The following FGF12 variants were observed in gnomAD, a reference collection of about 807,000 sequenced individuals.
FGF12 encodes fibroblast growth factor 12B.
FGF12 carries 14 observed loss-of-function variants against 23.6 expected under a neutral mutation model. The ratio of observed to expected loss-of-function variants is 0.59; its 90% CI spans 0.39 to 0.93. FGF12 has a LOEUF of 0.93. FGF12 is among the 40% of genes least tolerant of loss of function. The probability of loss-of-function intolerance (pLI) is 0.00; values close to 1 mark genes in which losing one functional copy is unlikely to be tolerated. For synonymous variants in FGF12, 62 were observed against 77.3 expected, an observed-to-expected ratio of 0.80 and a Z score of 1.04; for missense variants, 175 against 217.8, an observed-to-expected ratio of 0.80 and a Z score of 1.24.
intron 4 of FGF12, among the ~76,000 whole-genome samples, chr3:192,309,903 G>A (rs1048916140): frequency 6.6e-6 from 1 of 152,122 alleles, no homozygotes. Flanking sequence ...GTACTTCTCA[G>A]TATTTATTTT....
At chr3:192,717,672 A>G (rs900717588) in intron 2 of FGF12, among the ~76,000 whole-genome samples, 1 of 152,202 alleles carries the variant, frequency 6.6e-6, no homozygotes, top group African/African-American at 2.4e-5. Context: ...TTATAATTCA[A>G]TCGTCATTAT....
At chr3:192,250,796 T>A (rs75310780) in intron 4 of FGF12, among the ~76,000 whole-genome samples, 5,877 of 152,172 alleles carry the variant, frequency 0.039, 318 homozygotes, top group African/African-American at 0.12. Flanking sequence ...GGTTTTTTTT[T>A]AATTTCTGGT....
At chr3:192,158,395 CTCTT>C (rs1469391021) in intron 5 of FGF12, among the ~76,000 whole-genome samples, 15 of 72,846 alleles carry the variant, frequency 2.1e-4, no homozygotes, top group African/African-American at 7.1e-4. Context: ...TTCTTTCTCT[CTCTT>C]TCTTTTTCTT....
chr3:192,496,347 A>G (rs886502102), intron 2 of FGF12, among the ~76,000 whole-genome samples: 8 of 152,046 alleles, frequency 5.3e-5, no homozygotes, highest in Admixed American at 1.3e-4. Context: ...GTGCAGGACA[A>G]GGCAATCTGT....
chr3:192,367,368 G>A (rs1051879660), intron 2 of FGF12, among the ~76,000 whole-genome samples: 2 of 152,198 alleles, frequency 1.3e-5, no homozygotes, highest in African/African-American at 2.4e-5. Context: ...AGGGAAATGA[G>A]ATTGAAGAAG....
rs2108777271 is a variant in FGF12, at chr3:192,409,498, A to C, written c.14-48960T>G. 6.6e-6 allele frequency among the ~76,000 whole-genome samples: 1 copy of C among 152,310 alleles called. No homozygotes were observed. The highest frequency in any genetic ancestry group is 6.5e-5 in the Admixed American group (1 of 15,312). ...GCCCCCTAGGCTCGCGCGCCCCGGCAGTCAGCAGCTCACAGGCAGCAGATC... is the reference window on the plus strand; with the variant it reads ...GCCCCCTAGGCTCGCGCGCCCCGGCCGTCAGCAGCTCACAGGCAGCAGATC... On this transcript the variant is annotated intron_variant, in intron 2 of 5. Coordinates refer to ENST00000445105, the MANE Select transcript of FGF12 (RefSeq NM_004113.6). This position sits in a 1 kb window ranked among gnomAD's most constrained non-coding sequence, Gnocchi z 4.8.
At chr3:192,257,575 G>A (rs932271068) in intron 4 of FGF12, among the ~76,000 whole-genome samples, 6 of 152,058 alleles carry the variant, frequency 3.9e-5, no homozygotes, top group Non-Finnish European at 7.4e-5. Flanking sequence ...TCCACTTATG[G>A]TGCAGTGGTG....
At chr3:192,327,767 G>A (rs748657635) in intron 4 of FGF12, among the ~76,000 whole-genome samples, 2 of 151,884 alleles carry the variant, frequency 1.3e-5, no homozygotes, top group African/African-American at 2.4e-5. Context: ...TGGCACAAAC[G>A]TGGCTTACTG....
chr3:192,532,062 T>C (rs1577039462), intron 2 of FGF12, among the ~76,000 whole-genome samples: 1 of 152,168 alleles, frequency 6.6e-6, no homozygotes, highest in African/African-American at 2.4e-5. Flanking sequence ...TAGCTATAAG[T>C]GTTTGGCTTT....
At position 192,150,456 on chromosome 3, in the gene FGF12, G is replaced by A. The variant is rs1236696324; in HGVS notation, c.428-6329C>T. 3.5e-4 allele frequency among the ~76,000 whole-genome samples: 42 copies of A among 119,212 alleles called. 1 individual carries two copies. The South Asian group carries it at 0.013, about 37-fold the overall frequency. The allele number at this position is 119,212 out of a possible 152,430, so 78.2% of individuals were successfully genotyped here. A position where few individuals can be genotyped will look rare whatever the true frequency, so the allele number is the denominator to read the frequency against. ...GGGTTTTTATGGTTTTAGGTCTAAC[G>A]TTTAAATCTTTAATCCATCTTGAAT... is the stretch of plus-strand genomic sequence containing the variant. On this transcript the variant is annotated intron_variant, in intron 5 of 5. Coordinates refer to ENST00000445105, the MANE Select transcript of FGF12 (RefSeq NM_004113.6).
intron 2 of FGF12, among the ~76,000 whole-genome samples, chr3:192,609,632 T>A (rs1467652822): frequency 6.6e-6 from 1 of 152,040 alleles, no homozygotes; most frequent in Non-Finnish European, 1.5e-5. Flanking sequence ...ACAGTTACCG[T>A]GTTAGGGGCA....
chr3:192,365,194 G>A (rs559068431), intron 2 of FGF12, among the ~76,000 whole-genome samples: 9 of 150,654 alleles, frequency 6.0e-5, no homozygotes, highest in East Asian at 2.0e-4. Context: ...GGCCCGTTTC[G>A]AAATATCACT....
chr3:192,183,117 G>A (rs1716270640), intron 4 of FGF12, among the ~76,000 whole-genome samples: 1 of 152,160 alleles, frequency 6.6e-6, no homozygotes, highest in African/African-American at 2.4e-5. Flanking sequence ...ATGTGGTGCA[G>A]TATTGCTGAG....
intron 2 of FGF12, among the ~76,000 whole-genome samples, chr3:192,554,557 T>C (rs1711675927): frequency 6.6e-6 from 1 of 152,208 alleles, no homozygotes; most frequent in Non-Finnish European, 1.5e-5. Context: ...GCTGGGCTGA[T>C]TGGTAAAGAT....
intron 2 of FGF12, among the ~76,000 whole-genome samples, chr3:192,539,002 C>G (rs1009400261): frequency 6.6e-6 from 1 of 152,140 alleles, no homozygotes; most frequent in Admixed American, 6.5e-5. Context: ...TATCCTGCAA[C>G]TTTATTGAAT....
chr3:192,552,931 A>C (rs1711596191), intron 2 of FGF12, among the ~76,000 whole-genome samples: 1 of 152,104 alleles, frequency 6.6e-6, no homozygotes, highest in South Asian at 2.1e-4. Context: ...AAAAAAAAGA[A>C]AAAAATACAT....
At chr3:192,189,577 T>C (rs1716669561) in intron 4 of FGF12, among the ~76,000 whole-genome samples, 1 of 152,170 alleles carries the variant, frequency 6.6e-6, no homozygotes, top group African/African-American at 2.4e-5. Flanking sequence ...TAGAGTGGGC[T>C]CTTTCCAAGC....
At chr3:192,571,431 A>G (rs1322635990) in intron 2 of FGF12, among the ~76,000 whole-genome samples, 1 of 152,262 alleles carries the variant, frequency 6.6e-6, no homozygotes, top group Non-Finnish European at 1.5e-5. Flanking sequence ...TGACTCATGC[A>G]GTACCGGGAT....
At chr3:192,547,303 G>GT (rs1206266092) in intron 2 of FGF12, among the ~76,000 whole-genome samples, 3 of 152,094 alleles carry the variant, frequency 2.0e-5, no homozygotes, top group African/African-American at 7.2e-5. Flanking sequence ...TTAATTAAAT[G>GT]TTTTTTATAA....
Sources: allele counts gnomAD v4.1 joint callset (sites outside exome capture counted in the v4.1 genomes callset), GRCh38; gene constraint gnomAD v4.1.1; non-coding constraint Gnocchi (gnomAD v3.1); transcripts MANE v1.5; gene names NCBI Gene and HGNC (gene_info 2026-07-23, HGNC 2026-07-21).